SLC38A10: variants seen among roughly 807,000 people sequenced by gnomAD.
SLC38A10 encodes the protein Sodium-coupled neutral amino acid transporter 10.
In SLC38A10, 53 loss-of-function variants were observed where a neutral mutation model predicts 81.0. That is an observed-to-expected ratio of 0.65 (90% CI 0.53 to 0.82). The LOEUF is 0.82. Ranked by LOEUF, SLC38A10 falls within the 40% of genes least tolerant of loss-of-function variation. The pLI is 0.00. For synonymous variants in SLC38A10, 665 were observed against 655.3 expected, an observed-to-expected ratio of 1.01 and a Z score of -0.23; for missense variants, 1,471 against 1,545.0, an observed-to-expected ratio of 0.95 and a Z score of 0.80.
At chr17:81,284,929 C>T (rs1234119648) in intron 2 of SLC38A10, 34 bp from the exon 3 acceptor site, 11 of 1,532,098 alleles carry the variant, frequency 7.2e-6, no homozygotes, top group Non-Finnish European at 9.7e-6. Context: ...CTCAATCCAA[C>T]AGCGTGAGAA....
rs1335990857 is a variant in SLC38A10, at chr17:81,252,467, C to T, written c.1673G>A (p.Gly558Glu). 6.2e-7 allele frequency: 1 copy of T among 1,613,350 alleles called. No homozygotes were observed. The highest frequency in any genetic ancestry group is 1.1e-5 in the South Asian group (1 of 91,074). The change falls in exon 13 of 16, where the codon GGG becomes GAG. Residue 558 changes from glycine (G) to glutamate (E), a missense_variant. Gly to Glu is a moderately conservative substitution (Grantham distance 98). This residue lies in a region of SLC38A10 where 720 missense variants were observed against 827.7 expected (regional missense o/e 0.87). Coordinates refer to ENST00000374759, the MANE Select transcript of SLC38A10 (RefSeq NM_001037984.3). ...GGCCTGGGCCTGTCCAGGCCTCTTCCCAACCTCTCCCTGCTCCGGCTCTTG... is the reference window on the plus strand; with the variant it reads ...GGCCTGGGCCTGTCCAGGCCTCTTCTCAACCTCTCCCTGCTCCGGCTCTTG... ...EKQEPEQGEV[G>E]KRPGQAQALE... is the part of the protein sequence containing the mutation.
chr17:81,293,682 A>G (rs1394138116), intron 1 of SLC38A10, among the ~76,000 whole-genome samples: 4 of 152,200 alleles, frequency 2.6e-5, no homozygotes, highest in African/African-American at 9.6e-5. Context: ...TATGTTGCCC[A>G]GGCTGAAAAA....
Position 81,245,596 on chromosome 17 carries a change from C to G in SLC38A10, c.3320G>C (p.Arg1107Pro), listed in dbSNP as rs201820361. ...AGGCCCAGGCGCCTGTCTAAGCTGC[C>G]GGCTGTGGACCACCTGCAGAGCTCC... ...AGGALQVVHS[R>P]QLRQAPGPPE... The change falls in exon 16 of 16, where the codon CGG (arginine) becomes CCG (proline). Residue 1107 changes from arginine (R) to proline (P), a missense_variant. Arg to Pro is a moderately radical substitution (Grantham distance 103). Around this residue, in one of 2 missense-constraint regions of SLC38A10, gnomAD observed 751 missense variants for 717.4 expected, o/e 1.05. Transcript: ENST00000374759. 1 of 1,611,442 alleles carries G rather than the reference C, an allele frequency of 6.2e-7. No individual in the cohort carries two copies. The highest frequency in any genetic ancestry group is 8.5e-7 in the Non-Finnish European group (1 of 1,179,426).
In SLC38A10 at chr17:81,252,273, C is replaced by A; in HGVS notation, c.1867G>T (p.Gly623Trp). ...EQQNGLAVGG[G>W]EKAKGGPPPG... ...GGCGGTCCCCCCTTGGCCTTTTCCC[C>A]TCCACCCACCGCCAGGCCGTTCTGC... The change falls in exon 13 of 16, where the codon GGG (glycine) becomes TGG (tryptophan). Residue 623 changes from glycine (G) to tryptophan (W), a missense_variant. Gly to Trp is a radical substitution (Grantham distance 184, BLOSUM62 -2). Around this residue, in one of 2 missense-constraint regions of SLC38A10, gnomAD observed 751 missense variants for 717.4 expected, o/e 1.05. Transcript: ENST00000374759. 6.2e-7 allele frequency: 1 copy of A among 1,605,466 alleles called. No individual in the cohort carries two copies. The highest frequency in any genetic ancestry group is 8.5e-7 in the Non-Finnish European group (1 of 1,175,552).
At position 81,283,811 on chromosome 17, in the gene SLC38A10, G is replaced by A. The variant is rs1164047416; in HGVS notation, c.264-309C>T. ...TTTTTAGTAGAGACGGGGTTGCACC[G>A]TGTTAGCCAGGATGGTCTCGATCTC... On this transcript the variant is annotated intron_variant, in intron 3 of 15. Coordinates refer to ENST00000374759, the MANE Select transcript of SLC38A10 (RefSeq NM_001037984.3). The surrounding 1 kb of genome is among the most constrained non-coding windows in gnomAD (Gnocchi z 4.7). 5.3e-5 allele frequency among the ~76,000 whole-genome samples: 8 copies of A among 151,356 alleles called. No homozygotes were observed. The highest frequency in any genetic ancestry group is 1.0e-4 in the Non-Finnish European group (7 of 67,826).
Position 81,281,403 on chromosome 17 carries a change from G to C in SLC38A10, c.502-670C>G, listed in dbSNP as rs895548294. Among the ~76,000 whole-genome samples, 2 of 152,246 alleles carry C rather than the reference G, an allele frequency of 1.3e-5. No homozygotes were observed. Among genetic ancestry groups the C allele is most frequent in the Non-Finnish European group, 2.9e-5 (2 of 68,018 alleles). ...TGGCAGAGAATGGAGGGTGTGCTGG[G>C]GGCTCTGGGTGGTATCCGTGTTCTC... On this transcript the variant is annotated intron_variant, in intron 5 of 15. Coordinates refer to ENST00000374759, the MANE Select transcript of SLC38A10 (RefSeq NM_001037984.3). This position sits in a 1 kb window ranked among gnomAD's most constrained non-coding sequence, Gnocchi z 5.3.
rs750331132 is a variant in SLC38A10 at position 81,245,384 on chromosome 17, G to T, written c.*172C>A. On this transcript the variant is annotated 3_prime_UTR_variant, in exon 16 of 16. Coordinates refer to ENST00000374759, the MANE Select transcript of SLC38A10 (RefSeq NM_001037984.3). ...ACGACAGCAAGAACATTCTGGAAAC[G>T]ATGCCACAGTGAATCTTTTATACTG... 5 of 796,888 alleles carry T rather than the reference G, an allele frequency of 6.3e-6. No homozygotes were observed. The highest frequency in any genetic ancestry group is 9.5e-6 in the Non-Finnish European group (5 of 523,648). The allele number at this position is 796,888 out of a possible 1,614,324, so 49.4% of individuals were successfully genotyped here.
chr17:81,250,077 TA>T, intron 14 of SLC38A10: 1 of 1,288,744 alleles, frequency 7.8e-7, no homozygotes, highest in Non-Finnish European at 1.0e-6. Flanking sequence ...TACCTGCTAC[TA>T]TCTTTTTAAT....
chr17:81,247,531 C>G (rs532623879), intron 14 of SLC38A10: 1 of 153,234 alleles, frequency 6.5e-6, no homozygotes, highest in Non-Finnish European at 1.5e-5. Flanking sequence ...AGGACAAGCA[C>G]GTAAGAAAAT....
chr17:81,290,259 G>A (rs2063300005), intron 1 of SLC38A10, among the ~76,000 whole-genome samples: 1 of 152,132 alleles, frequency 6.6e-6, no homozygotes, highest in Non-Finnish European at 1.5e-5. Context: ...GCACCCCTAG[G>A]TATTCACTTA....
At chr17:81,257,528 C>T (rs1026237160) in intron 11 of SLC38A10, among the ~76,000 whole-genome samples, 1 of 152,232 alleles carries the variant, frequency 6.6e-6, no homozygotes, top group African/African-American at 2.4e-5. Flanking sequence ...CCCCGCCATC[C>T]GTGCAGGACC....
In SLC38A10 at chr17:81,253,748, C is replaced by T. The variant is rs1342891700; in HGVS notation, c.1289-508G>A. 3.0e-4 allele frequency among the ~76,000 whole-genome samples: 27 copies of T among 90,536 alleles called. No individual in the cohort carries two copies. The highest frequency in any genetic ancestry group is 1.4e-3 in the African/African-American group (26 of 19,140). 59.4% of individuals were successfully genotyped at this position (90,536 alleles called of 152,430 possible). ...ACCATCTCCATCCCTACCACCATCA[C>T]CATCATCATCACCGTCACCATCATC... On this transcript the variant is annotated intron_variant, in intron 11 of 15. Coordinates refer to ENST00000374759, the MANE Select transcript of SLC38A10 (RefSeq NM_001037984.3). The surrounding 1 kb of genome is among the most constrained non-coding windows in gnomAD (Gnocchi z 4.1).
chr17:81,268,286 C>T (rs569190630), intron 10 of SLC38A10, among the ~76,000 whole-genome samples: 6 of 152,216 alleles, frequency 3.9e-5, no homozygotes, highest in East Asian at 1.9e-4. Flanking sequence ...AGAACTTCTA[C>T]GATTTCTCAA....
In SLC38A10 at chr17:81,288,009, C is replaced by A. The variant is rs10445407; in HGVS notation, c.217+1682G>T. ...GGTAGGCATCTTTCAGCCCAAGTTG[C>A]ATTAGGCCATCTCACTGTGGATCAA... On this transcript the variant is annotated intron_variant, in intron 2 of 15. Transcript: ENST00000374759. The surrounding 1 kb of genome is among the most constrained non-coding windows in gnomAD (Gnocchi z 5.4). Among the ~76,000 whole-genome samples the A allele has an allele frequency of 0.52, 78,625 of 152,152 alleles. 21,364 individuals are homozygous for A. Among genetic ancestry groups the A allele is most frequent in the African/African-American group, 0.7 (28,936 of 41,506 alleles).
In SLC38A10 at chr17:81,285,826, G is replaced by A. The variant is rs567285205; in HGVS notation, c.218-931C>T. The A allele has an allele frequency of 2.6e-5, 4 of 152,366 alleles. No individual in the cohort carries two copies. In the East Asian group the frequency reaches 7.7e-4, roughly 29 times the overall value. The allele number at this position is 152,366 out of a possible 1,614,324, so 9.4% of individuals were successfully genotyped here. On this transcript the variant is annotated intron_variant, in intron 2 of 15. Coordinates refer to ENST00000374759, the MANE Select transcript of SLC38A10 (RefSeq NM_001037984.3). ...TGGAAAGCAGGAAACACACAGGCTA[G>A]TAACTATGAATGGGTCCAAAAAACA... is the stretch of plus-strand genomic sequence containing the variant.
Position 81,286,971 on chromosome 17 carries a change from A to G in SLC38A10, c.218-2076T>C, listed in dbSNP as rs1192350648. Among the ~76,000 whole-genome samples, 1 of 152,236 alleles carries G rather than the reference A, an allele frequency of 6.6e-6. No homozygotes were observed. Among genetic ancestry groups the G allele is most frequent in the African/African-American group, 2.4e-5 (1 of 41,464 alleles). On this transcript the variant is annotated intron_variant, in intron 2 of 15. Coordinates refer to ENST00000374759, the MANE Select transcript of SLC38A10 (RefSeq NM_001037984.3). This position sits in a 1 kb window ranked among gnomAD's most constrained non-coding sequence, Gnocchi z 6.0. ...CTTCATGAGAAGCCGCGACAGCTGA[A>G]GGAGGCTGAATGACTGATGTATCTG...
intron 14 of SLC38A10, chr17:81,250,769 G>T: frequency 1.1e-6 from 1 of 943,316 alleles, no homozygotes; most frequent in Middle Eastern, 5.4e-4. Flanking sequence ...ACAGAAGCCT[G>T]TCCCCAGCAG....
In SLC38A10 at chr17:81,283,948, G is replaced by A. The variant is rs911382045; in HGVS notation, c.264-446C>T. On this transcript the variant is annotated intron_variant, in intron 3 of 15. Coordinates refer to ENST00000374759, the MANE Select transcript of SLC38A10 (RefSeq NM_001037984.3). This position sits in a 1 kb window ranked among gnomAD's most constrained non-coding sequence, Gnocchi z 4.7. ...TCAAACGCGCCCCAGTTCACAGGGC[G>A]CGGGCAGGTTCTGTGGCGCTCGCTA... is the stretch of plus-strand genomic sequence containing the variant. Among the ~76,000 whole-genome samples, 5 of 151,846 alleles carry A rather than the reference G, an allele frequency of 3.3e-5. No individual in the cohort carries two copies. The highest frequency in any genetic ancestry group is 1.5e-5 in the Non-Finnish European group (1 of 67,992).
chr17:81,285,226 C>T lies in SLC38A10; in HGVS notation c.218-331G>A, dbSNP rs2063253513. The T allele has an allele frequency of 1.6e-5, 4 of 247,718 alleles. No homozygotes were observed. In the Admixed American group the frequency reaches 2.2e-4, roughly 14 times the overall value. 15.3% of individuals were successfully genotyped at this position (247,718 alleles called of 1,614,324 possible). ...ACTGGGGGCCGGCTGGAAACAGCATCCCACAGCCCAGCACGGCCGAACCCC... is the reference window on the plus strand; with the variant it reads ...ACTGGGGGCCGGCTGGAAACAGCATTCCACAGCCCAGCACGGCCGAACCCC... On this transcript the variant is annotated intron_variant, in intron 2 of 15. Transcript: ENST00000374759.
Sources: allele counts gnomAD v4.1 joint callset (sites outside exome capture counted in the v4.1 genomes callset), GRCh38; gene constraint gnomAD v4.1.1; regional missense constraint gnomAD v4.1.1; non-coding constraint Gnocchi (gnomAD v3.1); transcripts MANE v1.5; gene names NCBI Gene and HGNC (gene_info 2026-07-23, HGNC 2026-07-21).